NBEA: variants seen among roughly 807,000 people sequenced by gnomAD.
NBEA encodes lysosomal-trafficking regulator 2.
NBEA carries 44 observed loss-of-function variants against 343.4 expected under a neutral mutation model. The ratio of observed to expected loss-of-function variants is 0.13; its 90% CI spans 0.10 to 0.16. NBEA has a LOEUF of 0.16. Ranked by LOEUF, NBEA falls within the 10% of genes least tolerant of loss-of-function variation. The pLI, the probability that NBEA is intolerant of heterozygous loss-of-function variation, is 1.00. For synonymous variants in NBEA, 1,175 were observed against 1,238.7 expected, an observed-to-expected ratio of 0.95 and a Z score of 1.08; for missense variants, 2,555 against 3,631.3, an observed-to-expected ratio of 0.70 and a Z score of 7.62.
Position 35,550,465 on chromosome 13 carries a change from TG to T in NBEA, c.6586-11del, listed in dbSNP as rs778033779. 3.0e-5 allele frequency: 46 copies of T among 1,512,592 alleles called. 1 individual carries two copies. The Admixed American group carries it at 5.8e-4, about 19-fold the overall frequency. 93.7% of individuals were successfully genotyped at this position (1,512,592 alleles called of 1,614,324 possible). On this transcript the variant is annotated splice_polypyrimidine_tract_variant and intron_variant, in intron 41 of 58. Transcript: ENST00000379939. ...TATTGATTGACACTTCCCTTTAAAC[TG>T]TTTATTTTAGGTTCTTGCATACACT...
chr13:34,954,097 A>G lies in NBEA; in HGVS notation c.294+10983A>G, dbSNP rs113933125. On this transcript the variant is annotated intron_variant, in intron 1 of 58. Transcript: ENST00000379939. ...GTTGGGGATCGCTGCCCTAAAGAAT[A>G]TAGTATAGAACTATTTACATAGCAT... is the stretch of plus-strand genomic sequence containing the variant. 2.6e-3 allele frequency among the ~76,000 whole-genome samples: 399 copies of G among 152,314 alleles called. 1 individual carries two copies. Among genetic ancestry groups the G allele is most frequent in the African/African-American group, 8.8e-3 (364 of 41,580 alleles).
intron 30 of NBEA, chr13:35,185,980 C>G (rs983377416): frequency 6.6e-6 from 1 of 151,838 alleles, no homozygotes; most frequent in African/African-American, 2.4e-5. Context: ...CTTAGAGGTA[C>G]ACAATTTCTG....
chr13:35,217,900 A>G (rs1409027947), intron 33 of NBEA, among the ~76,000 whole-genome samples: 1 of 152,102 alleles, frequency 6.6e-6, no homozygotes, highest in Admixed American at 6.6e-5. Flanking sequence ...TTCAGGCTTC[A>G]CATAAGTAGA....
intron 11 of NBEA, among the ~76,000 whole-genome samples, chr13:35,102,706 A>G (rs984209099): frequency 5.9e-5 from 9 of 151,876 alleles, no homozygotes; most frequent in African/African-American, 2.2e-4. Flanking sequence ...ACTGGTACAT[A>G]GAATTATAAT....
At chr13:34,960,318 ATTAT>A (rs1214529483) in intron 1 of NBEA, among the ~76,000 whole-genome samples, 1 of 152,174 alleles carries the variant, frequency 6.6e-6, no homozygotes, top group Non-Finnish European at 1.5e-5. Context: ...TTTTAAGCTA[ATTAT>A]TATAAAAGTC....
chr13:35,016,396 GTAAT>G lies in NBEA; in HGVS notation c.295-24531_295-24528del, dbSNP rs1290092732. Among the ~76,000 whole-genome samples the G allele has an allele frequency of 2.0e-5, 3 of 152,264 alleles. No individual in the cohort carries two copies. In the East Asian group the frequency reaches 5.8e-4, roughly 29 times the overall value. ...ATCTAACTGGGATGTATACATTGTA[GTAAT>G]TAATTCATCAGCAACTAGGATATCT... is the stretch of plus-strand genomic sequence containing the variant. On this transcript the variant is annotated intron_variant, in intron 1 of 58. Coordinates refer to ENST00000379939, the MANE Select transcript of NBEA (RefSeq NM_001385012.1).
chr13:35,452,279 C>T, intron 40 of NBEA, 44 bp downstream of exon 40: 3 of 1,436,536 alleles, frequency 2.1e-6, no homozygotes, highest in Non-Finnish European at 2.9e-6. Flanking sequence ...TAAATAAACA[C>T]AAAGCTACTG....
intron 38 of NBEA, among the ~76,000 whole-genome samples, chr13:35,385,310 T>C (rs2042193948): frequency 1.3e-5 from 2 of 152,204 alleles, no homozygotes; most frequent in Admixed American, 6.5e-5. Context: ...GCCTTGCTTT[T>C]TTCTTTTTAA....
chr13:35,129,253 A>T (rs189141830), intron 17 of NBEA, among the ~76,000 whole-genome samples: 37 of 152,254 alleles, frequency 2.4e-4, no homozygotes, highest in Admixed American at 2.3e-3. Context: ...TAAAAACTAG[A>T]TATCCTGAAA....
chr13:35,154,947 G>GA (rs111733830), intron 18 of NBEA, among the ~76,000 whole-genome samples: 15,923 of 151,380 alleles, frequency 0.11, 1,002 homozygotes, highest in African/African-American at 0.16. Flanking sequence ...GCGATAAAGT[G>GA]GACCCCATCT....
intron 18 of NBEA, among the ~76,000 whole-genome samples, chr13:35,151,715 A>G (rs2083020358): frequency 6.6e-6 from 1 of 152,080 alleles, no homozygotes; most frequent in African/African-American, 2.4e-5. Flanking sequence ...ATTCTGTAGG[A>G]TATATACTAA....
intron 23 of NBEA, among the ~76,000 whole-genome samples, chr13:35,162,797 C>T (rs534726463): frequency 6.6e-6 from 1 of 152,102 alleles, no homozygotes; most frequent in East Asian, 1.9e-4. Context: ...CTTTCCTATA[C>T]CCAGTCAAGC....
intron 41 of NBEA, among the ~76,000 whole-genome samples, chr13:35,499,950 A>T (rs144296516): frequency 7.2e-5 from 11 of 152,190 alleles, no homozygotes; most frequent in African/African-American, 2.6e-4. Context: ...TTTTAAAATC[A>T]TTAAGACTCT....
rs1022142091 is a variant in NBEA at position 35,224,271 on chromosome 13, A to G, written c.5649-8221A>G. Among the ~76,000 whole-genome samples the G allele has an allele frequency of 8.5e-5, 13 of 152,252 alleles. No homozygotes were observed. In the South Asian group the frequency reaches 2.3e-3, roughly 27 times the overall value. On this transcript the variant is annotated intron_variant, in intron 33 of 58. Coordinates refer to ENST00000379939, the MANE Select transcript of NBEA (RefSeq NM_001385012.1). The stretch of plus-strand genomic sequence containing the variant: ...ACTTGCAAAATTCTTTTTGCCATGT[A>G]ATATAGTTTATTCAAAGATTCCAGG...
At chr13:35,355,879 A>G (rs2040464497) in intron 38 of NBEA, among the ~76,000 whole-genome samples, 1 of 151,858 alleles carries the variant, frequency 6.6e-6, no homozygotes, top group African/African-American at 2.4e-5. Flanking sequence ...TCCTCCAAAT[A>G]TTTTATATTG....
At chr13:35,245,723 T>C (rs1412296029) in intron 34 of NBEA, among the ~76,000 whole-genome samples, 1 of 152,170 alleles carries the variant, frequency 6.6e-6, no homozygotes, top group Admixed American at 6.5e-5. Flanking sequence ...TCAAATTCTT[T>C]CCTTTGCCTT....
chr13:35,325,486 A>G (rs1240058941), intron 36 of NBEA, among the ~76,000 whole-genome samples: 1 of 151,996 alleles, frequency 6.6e-6, no homozygotes, highest in African/African-American at 2.4e-5. Flanking sequence ...AGAGGAGGTA[A>G]TGCTTTATAG....
At chr13:35,582,850 C>T (rs2081118114) in intron 45 of NBEA, among the ~76,000 whole-genome samples, 1 of 152,158 alleles carries the variant, frequency 6.6e-6, no homozygotes, top group Non-Finnish European at 1.5e-5. Flanking sequence ...ATAAATGAAT[C>T]TTCCTCTCTT....
chr13:35,569,489 A>T (rs1237731219), intron 45 of NBEA, among the ~76,000 whole-genome samples: 2 of 152,224 alleles, frequency 1.3e-5, no homozygotes, highest in Admixed American at 1.3e-4. Context: ...CTTTTTATTT[A>T]AAATCAACTG....
Sources: gnomAD v4.1 joint callset for allele counts (sites outside exome capture counted in the v4.1 genomes callset) on GRCh38, gnomAD v4.1.1 for gene constraint, MANE v1.5 for transcripts, NCBI Gene and HGNC (gene_info 2026-07-23, HGNC 2026-07-21) for gene names.